GRIK2: variants seen among roughly 807,000 people sequenced by gnomAD.
GRIK2 encodes the protein glutamate ionotropic receptor kainate type subunit 2.
Under a neutral mutation model 100.3 loss-of-function variants are expected in GRIK2, and 32 were observed. The ratio of observed to expected loss-of-function variants is 0.32; its 90% CI spans 0.24 to 0.43. The LOEUF (loss-of-function observed/expected upper bound fraction) is 0.43, where lower values mean the gene tolerates loss of function less well. GRIK2 is among the 20% of genes least tolerant of loss of function. The pLI, the probability that GRIK2 is intolerant of heterozygous loss-of-function variation, is 1.00. For synonymous variants in GRIK2, 417 were observed against 389.4 expected (o/e 1.07, Z -0.83); for missense variants, 843 against 1,114.9 (o/e 0.76, Z 3.47).
At chr6:101,586,152 A>C (rs1221883185) in intron 2 of GRIK2, among the ~76,000 whole-genome samples, 1 of 152,012 alleles carries the variant, frequency 6.6e-6, no homozygotes, top group East Asian at 1.9e-4. Flanking sequence ...AATAAGAAGC[A>C]ATAGGTCAGT....
chr6:102,024,756 CCTT>C (rs1271515047), intron 14 of GRIK2, among the ~76,000 whole-genome samples: 7 of 150,996 alleles, frequency 4.6e-5, no homozygotes, highest in South Asian at 2.1e-4. Context: ...ATGTGGCTAT[CCTT>C]CTATTTTGCT....
intron 2 of GRIK2, among the ~76,000 whole-genome samples, chr6:101,458,795 G>A (rs923861103): frequency 1.3e-5 from 2 of 152,140 alleles, no homozygotes; most frequent in Non-Finnish European, 2.9e-5. Context: ...GTATTACCAT[G>A]TCAAATTTTT....
intron 12 of GRIK2, among the ~76,000 whole-genome samples, chr6:101,898,620 G>A (rs1463087567): frequency 1.3e-5 from 2 of 151,358 alleles, no homozygotes; most frequent in African/African-American, 4.9e-5. Flanking sequence ...GCTTTATAAA[G>A]CTAGTCTCTG....
At chr6:101,850,087 A>G (rs1784047208) in intron 10 of GRIK2, among the ~76,000 whole-genome samples, 1 of 152,026 alleles carries the variant, frequency 6.6e-6, no homozygotes. Context: ...GCTCTAAAAC[A>G]AGACACATGT....
chr6:101,670,794 A>G (rs929038093), intron 4 of GRIK2, among the ~76,000 whole-genome samples: 1 of 152,210 alleles, frequency 6.6e-6, no homozygotes. Flanking sequence ...CAATATAAAC[A>G]TAATGACAAA....
At chr6:101,639,197 C>T (rs1781166783) in intron 4 of GRIK2, among the ~76,000 whole-genome samples, 2 of 152,114 alleles carry the variant, frequency 1.3e-5, no homozygotes, top group East Asian at 2.0e-4. Flanking sequence ...CCACCATGCC[C>T]GGCTAATTTT....
intron 2 of GRIK2, among the ~76,000 whole-genome samples, chr6:101,570,525 C>T (rs570233340): frequency 4.1e-4 from 63 of 152,206 alleles, no homozygotes; most frequent in Non-Finnish European, 7.5e-4. Flanking sequence ...AATATGGTCT[C>T]CAGTGAGGGA....
At chr6:101,702,510 G>A (rs2128353426) in intron 7 of GRIK2, among the ~76,000 whole-genome samples, 1 of 152,012 alleles carries the variant, frequency 6.6e-6, no homozygotes, top group Admixed American at 6.6e-5. Context: ...TTCATTAAAA[G>A]TAGGATCTTA....
At position 101,951,455 on chromosome 6, in the gene GRIK2, A is replaced by T. The variant is rs145018689; in HGVS notation, c.2085+22823A>T. On this transcript the variant is annotated intron_variant, in intron 14 of 16. Transcript: ENST00000369134. ...ATGCACAAATGGGTTTAAATTGAGG[A>T]TTCAGTATATGCGTGTTTTGTTTAA... 5.4e-4 allele frequency among the ~76,000 whole-genome samples: 82 copies of T among 152,294 alleles called. 3 individuals are homozygous for T. Among genetic ancestry groups the T allele is most frequent in the African/African-American group, 1.9e-3 (78 of 41,552 alleles).
chr6:101,944,695 A>T (rs1250138660), intron 14 of GRIK2, among the ~76,000 whole-genome samples: 1 of 152,110 alleles, frequency 6.6e-6, no homozygotes, highest in African/African-American at 2.4e-5. Flanking sequence ...AGAAAAAAAT[A>T]TTTTTTATCT....
At chr6:101,559,338 G>A (rs993100483) in intron 2 of GRIK2, among the ~76,000 whole-genome samples, 7 of 151,856 alleles carry the variant, frequency 4.6e-5, no homozygotes, top group Non-Finnish European at 7.4e-5. Flanking sequence ...ACTTTGACAC[G>A]GTCCAGGACT....
At chr6:101,401,465 C>T (rs190416829) in intron 2 of GRIK2, among the ~76,000 whole-genome samples, 1 of 152,022 alleles carries the variant, frequency 6.6e-6, no homozygotes, top group Non-Finnish European at 1.5e-5. Flanking sequence ...TTAAGAAATA[C>T]GGTAGTAGGC....
In GRIK2 at chr6:102,069,728, A is replaced by G. The variant is rs1361447341; in HGVS notation, c.*1217A>G. 1 of 152,068 alleles carries G rather than the reference A, an allele frequency of 6.6e-6. No homozygotes were observed. Among genetic ancestry groups the G allele is most frequent in the African/African-American group, 2.4e-5 (1 of 41,446 alleles). 9.4% of individuals were successfully genotyped at this position (152,068 alleles called of 1,614,324 possible). ...ATTTTTGTAATACTTTTTATCAACA[A>G]AACAAGAACATGTGTTCCTGTCAGG... On this transcript the variant is annotated 3_prime_UTR_variant, in exon 17 of 17. Coordinates refer to ENST00000369134, the MANE Select transcript of GRIK2 (RefSeq NM_021956.5).
intron 2 of GRIK2, among the ~76,000 whole-genome samples, chr6:101,599,925 T>G (rs553639142): frequency 1.3e-5 from 2 of 151,796 alleles, no homozygotes; most frequent in Non-Finnish European, 2.9e-5. Flanking sequence ...ACTTGTAAAT[T>G]TTTGTTTTTG....
intron 14 of GRIK2, among the ~76,000 whole-genome samples, chr6:101,989,284 A>C (rs1009850800): frequency 2.0e-5 from 3 of 151,884 alleles, no homozygotes; most frequent in East Asian, 1.9e-4. Flanking sequence ...GGAGGTTATT[A>C]ATTATTTTTG....
chr6:101,561,887 G>T (rs1777037499), intron 2 of GRIK2, among the ~76,000 whole-genome samples: 1 of 152,184 alleles, frequency 6.6e-6, no homozygotes, highest in African/African-American at 2.4e-5. Flanking sequence ...AAGGTGTCCA[G>T]TGGGTAGATA....
chr6:102,033,030 G>A (rs550393463), intron 14 of GRIK2, among the ~76,000 whole-genome samples: 35 of 151,122 alleles, frequency 2.3e-4, no homozygotes, highest in African/African-American at 7.7e-4. Flanking sequence ...TCCTGGTTTT[G>A]CCACTAAGTA....
chr6:102,026,413 TAA>T (rs1042607695), intron 14 of GRIK2, among the ~76,000 whole-genome samples: 24 of 151,066 alleles, frequency 1.6e-4, no homozygotes, highest in Middle Eastern at 3.4e-3. Flanking sequence ...CCCAGTGTGG[TAA>T]AGTTTCTTAA....
rs1316415025 is a variant in GRIK2 at position 101,633,439 on chromosome 6, G to A, written c.541+6802G>A. On this transcript the variant is annotated intron_variant, in intron 4 of 16. Transcript: ENST00000369134. ...AGTCTGAGAGTTGATGCATGTATAA[G>A]GTGAGGATAATATGTGTCATACTTC... Among the ~76,000 whole-genome samples the A allele has an allele frequency of 2.0e-5, 3 of 152,060 alleles. No individual in the cohort carries two copies. The East Asian group carries it at 5.8e-4, about 29-fold the overall frequency.
Sources: allele counts gnomAD v4.1 joint callset (sites outside exome capture counted in the v4.1 genomes callset), GRCh38; gene constraint gnomAD v4.1.1; transcripts MANE v1.5; gene names NCBI Gene and HGNC (gene_info 2026-07-23, HGNC 2026-07-21).